Variants in CCND3 observed in about 807,000 individuals in gnomAD.
CCND3 encodes the protein cyclin D3, also known as G1/S-specific cyclin-D3.
A neutral mutation model predicts 28.7 loss-of-function variants in CCND3; 9 were observed. The ratio of observed to expected loss-of-function variants is 0.31; its 90% CI spans 0.19 to 0.55. The LOEUF is 0.55. CCND3 is among the 20% of genes least tolerant of loss of function. The pLI, the probability that CCND3 is intolerant of heterozygous loss-of-function variation, is 0.93. For missense variants in CCND3, 315 were observed against 385.8 expected, an observed-to-expected ratio of 0.82 and a Z score of 1.54; for synonymous variants, 164 against 163.9, an observed-to-expected ratio of 1.00 and a Z score of 0.00.
chr6:41,993,410 C>CTTTTTTT (rs70987558), intron 1 of CCND3, among the ~76,000 whole-genome samples: 5 of 101,678 alleles, frequency 4.9e-5, no homozygotes, highest in Non-Finnish European at 5.8e-5. Context: ...CTCATGTCTT[C>CTTTTTTT]TTTTTTTTTT....
upstream of CCND3, chr6:42,049,814 CT>C (rs1308682260): frequency 6.6e-6 from 1 of 152,244 alleles, no homozygotes; most frequent in Non-Finnish European, 1.5e-5. Flanking sequence ...ACATTACTCG[CT>C]CAGAAGAATC....
At chr6:42,033,307 G>A (rs188378262) in intron 1 of CCND3, among the ~76,000 whole-genome samples, 29 of 151,686 alleles carry the variant, frequency 1.9e-4, no homozygotes, top group African/African-American at 6.5e-4. Context: ...AAAGTTAGCC[G>A]AGTGTGATGG....
chr6:41,949,055 T>C (rs1178287262), intron 1 of CCND3, among the ~76,000 whole-genome samples: 2 of 151,744 alleles, frequency 1.3e-5, no homozygotes, highest in African/African-American at 4.8e-5. Context: ...TTCCCCAAGA[T>C]AATATTTCTT....
At chr6:41,964,223 C>T (rs952875974) in intron 1 of CCND3, among the ~76,000 whole-genome samples, 4 of 152,154 alleles carry the variant, frequency 2.6e-5, no homozygotes, top group African/African-American at 9.7e-5. Context: ...TAAGGGTTTC[C>T]CAGTCTTGTT....
intron 1 of CCND3, among the ~76,000 whole-genome samples, chr6:41,953,266 CA>C (rs35555377): frequency 0.97 from 136,503 of 140,734 alleles, 66,238 homozygotes; most frequent in Middle Eastern, 0.99. Context: ...CTCCCTCTCA[CA>C]AAAAAAAAAA....
At position 41,936,911 on chromosome 6, in the gene CCND3, TC is replaced by T; in HGVS notation, c.575-217del. On this transcript the variant is annotated intron_variant, in intron 3 of 4. Coordinates refer to ENST00000372991, the MANE Select transcript of CCND3 (RefSeq NM_001760.5). The surrounding 1 kb of genome is among the most constrained non-coding windows in gnomAD (Gnocchi z 4.4). ...AGAACCAACTGCCAGTTTCCATAGG[TC>T]CCGGGAATAGACAAGACACTCCCTA... 1 of 601,996 alleles carries T rather than the reference TC, an allele frequency of 1.7e-6. No individual in the cohort carries two copies. The highest frequency in any genetic ancestry group is 2.0e-5 in the South Asian group (1 of 49,418). 37.3% of individuals were successfully genotyped at this position (601,996 alleles called of 1,614,324 possible). A position where few individuals can be genotyped will look rare whatever the true frequency, so the allele number is the denominator to read the frequency against.
intron 1 of CCND3, among the ~76,000 whole-genome samples, chr6:42,042,098 C>A (rs1482531315): frequency 6.6e-6 from 1 of 152,170 alleles, no homozygotes; most frequent in Non-Finnish European, 1.5e-5. Flanking sequence ...GACCACAGGC[C>A]AGAGCTTGTG....
At chr6:41,947,868 C>T (rs546979894) in intron 1 of CCND3, among the ~76,000 whole-genome samples, 1 of 152,280 alleles carries the variant, frequency 6.6e-6, no homozygotes, top group East Asian at 1.9e-4. Flanking sequence ...CTAGTCTCAA[C>T]CCATCACTCT....
intron 1 of CCND3, among the ~76,000 whole-genome samples, chr6:42,003,525 C>CAAAAAAAAAAA (rs61494473): frequency 2.7e-5 from 2 of 73,518 alleles, no homozygotes; most frequent in African/African-American, 8.1e-5. Context: ...GACTCTGTCT[C>CAAAAAAAAAAA]AAAAAAAAAA....
intron 1 of CCND3, among the ~76,000 whole-genome samples, chr6:41,947,074 A>G (rs1776190347): frequency 6.6e-6 from 1 of 152,010 alleles, no homozygotes; most frequent in Non-Finnish European, 1.5e-5. Context: ...AAAAAAAATT[A>G]GCTGGGCATG....
Position 41,937,227 on chromosome 6 carries a change from GCT to G in CCND3, c.574+6_574+7del. On this transcript the variant is annotated splice_donor_region_variant and intron_variant, in intron 3 of 4. Transcript: ENST00000372991. The stretch of plus-strand genomic sequence containing the variant: ...CCAATTTGGCAAAAATGTGCATAGG[GCT>G]CTTACCTGTAGCACAGAGGGCCAAA... The G allele has an allele frequency of 1.2e-6, 2 of 1,614,074 alleles. No homozygotes were observed. Among genetic ancestry groups the G allele is most frequent in the Non-Finnish European group, 1.7e-6 (2 of 1,179,976 alleles).
rs758087276 is a variant in CCND3 at position 41,941,409 on chromosome 6, A to G, written c.198+43T>C. On this transcript the variant is annotated intron_variant, in intron 1 of 4. Coordinates refer to ENST00000372991, the MANE Select transcript of CCND3 (RefSeq NM_001760.5). This position sits in a 1 kb window ranked among gnomAD's most constrained non-coding sequence, Gnocchi z 6.1. ...CCGACAGGGCGGCCCCGGTGTGTCC[A>G]GACCCGGGAGCGGTGGGGGAGGGGG... is the stretch of plus-strand genomic sequence containing the variant. 5.3e-5 allele frequency: 85 copies of G among 1,602,022 alleles called. No individual in the cohort carries two copies. The highest frequency in any genetic ancestry group is 1.4e-4 in the Admixed American group (8 of 58,732).
In CCND3 at chr6:41,939,747, G is replaced by A. The variant is rs1277295633; in HGVS notation, c.414+623C>T. Among the ~76,000 whole-genome samples, 1 of 152,164 alleles carries A rather than the reference G, an allele frequency of 6.6e-6. No homozygotes were observed. On this transcript the variant is annotated intron_variant, in intron 2 of 4. Coordinates refer to ENST00000372991, the MANE Select transcript of CCND3 (RefSeq NM_001760.5). The surrounding 1 kb of genome is among the most constrained non-coding windows in gnomAD (Gnocchi z 4.2). ...GGGAGCTGTTTCCACCAGGCCCAAA[G>A]CAGCTGCTCCAGTTCCTCAGAATGA...
Position 42,022,003 on chromosome 6 carries a change from C to T in CCND3, c.-46+26498G>A, listed in dbSNP as rs1433019374. Among the ~76,000 whole-genome samples, 3 of 152,190 alleles carry T rather than the reference C, an allele frequency of 2.0e-5. No individual in the cohort carries two copies. In the East Asian group the frequency reaches 5.8e-4, roughly 29 times the overall value. On this transcript the variant is annotated intron_variant, in intron 1 of 4. Transcript: ENST00000372988. ...GAAGAAATTCCAAGCTTTGTTACCA[C>T]CTTGCTAGCTTAAAGGAAGCAAGCA...
rs745438885 is a variant in CCND3 at position 41,935,914 on chromosome 6, G to A, written c.*26C>T. ...GGCAGCGGCCCCTCCTCTGCTTAGT[G>A]GCCACTCCAGAGGGCCTCTCCAGGG... On this transcript the variant is annotated 3_prime_UTR_variant, in exon 5 of 5. Coordinates refer to ENST00000372991, the MANE Select transcript of CCND3 (RefSeq NM_001760.5). The A allele has an allele frequency of 8.8e-6, 14 of 1,592,348 alleles. No homozygotes were observed. The East Asian group carries it at 2.5e-4, about 28-fold the overall frequency.
At chr6:42,004,026 A>G (rs559536733) in intron 1 of CCND3, among the ~76,000 whole-genome samples, 27 of 151,642 alleles carry the variant, frequency 1.8e-4, no homozygotes, top group African/African-American at 6.5e-4. Context: ...AAGAAGATTC[A>G]GATCAATGAC....
chr6:42,024,569 C>T (rs1419043096), intron 1 of CCND3, among the ~76,000 whole-genome samples: 2 of 152,122 alleles, frequency 1.3e-5, no homozygotes, highest in African/African-American at 4.8e-5. Flanking sequence ...ATGCCACTGG[C>T]ACTGTTCAGT....
intron 1 of CCND3, among the ~76,000 whole-genome samples, chr6:42,020,016 C>T (rs1277304400): frequency 2.6e-5 from 4 of 152,126 alleles, no homozygotes; most frequent in African/African-American, 9.7e-5. Flanking sequence ...CGGTGGCTCA[C>T]GCCTGTAATC....
At chr6:42,033,046 T>C (rs1764087252) in intron 1 of CCND3, among the ~76,000 whole-genome samples, 1 of 152,198 alleles carries the variant, frequency 6.6e-6, no homozygotes. Context: ...CATGAAGTCA[T>C]GAAGCTAATC....
Sources: allele counts gnomAD v4.1 joint callset (sites outside exome capture counted in the v4.1 genomes callset), GRCh38; gene constraint gnomAD v4.1.1; non-coding constraint Gnocchi (gnomAD v3.1); transcripts MANE v1.5; gene names NCBI Gene and HGNC (gene_info 2026-07-23, HGNC 2026-07-21).